The following DLC1 variants were observed in gnomAD, a reference collection of about 807,000 sequenced individuals.
DLC1 encodes the protein DLC1 Rho GTPase activating protein.
DLC1 carries 54 observed loss-of-function variants against 140.3 expected under a neutral mutation model. That is an observed-to-expected ratio of 0.38 (90% CI 0.31 to 0.48). DLC1 has a LOEUF of 0.48. Among genes scored for constraint, DLC1 ranks in the 20% least tolerant of loss-of-function variants. The probability of loss-of-function intolerance (pLI) is 0.96; values close to 1 mark genes in which losing one functional copy is unlikely to be tolerated. For missense variants in DLC1, 2,536 were observed against 1,907.0 expected, an observed-to-expected ratio of 1.33 and a Z score of -6.14; for synonymous variants, 986 against 728.1, an observed-to-expected ratio of 1.35 and a Z score of -5.70.
At position 13,247,805 on chromosome 8, in the gene DLC1, G is replaced by T. The variant is rs147097363; in HGVS notation, c.1348+57464C>A. Reference sequence around the variant, plus strand: ...TCATAGACTTGAGGCTCACCATCGTGCTACAAGAATTTCCTAACCAAACCA... The same window carrying T: ...TCATAGACTTGAGGCTCACCATCGTTCTACAAGAATTTCCTAACCAAACCA... On this transcript the variant is annotated intron_variant, in intron 5 of 17. Transcript: ENST00000276297. Among the ~76,000 whole-genome samples the T allele has an allele frequency of 3.3e-3, 505 of 152,276 alleles. 3 individuals are homozygous for T. The highest frequency in any genetic ancestry group is 0.012 in the African/African-American group (496 of 41,564).
rs546307598 is a variant in DLC1 at position 13,164,042 on chromosome 8, A to G, written c.1349-48385T>C. ...CCGGGCGTGGTGGCTCACACCTGCA[A>G]TCCCAGCGCTTTGGGAGGCCGAGGC... On this transcript the variant is annotated intron_variant, in intron 5 of 17. Transcript: ENST00000276297. Among the ~76,000 whole-genome samples, 25 of 152,198 alleles carry G rather than the reference A, an allele frequency of 1.6e-4. 1 individual carries two copies. In the East Asian group the frequency reaches 4.6e-3, roughly 28 times the overall value.
intron 5 of DLC1, among the ~76,000 whole-genome samples, chr8:13,121,288 C>G (rs761726416): frequency 4.6e-5 from 7 of 152,130 alleles, no homozygotes; most frequent in African/African-American, 1.7e-4. Context: ...GCATTCTCCT[C>G]CCCGTGGTGA....
At chr8:13,423,682 A>T (rs987687679) in intron 2 of DLC1, among the ~76,000 whole-genome samples, 1 of 152,204 alleles carries the variant, frequency 6.6e-6, no homozygotes, top group Non-Finnish European at 1.5e-5. Context: ...TGAATTTGAT[A>T]AAATTCTTAT....
intron 15 of DLC1, among the ~76,000 whole-genome samples, chr8:13,089,872 C>G (rs1423645228): frequency 6.6e-6 from 1 of 152,152 alleles, no homozygotes; most frequent in African/African-American, 2.4e-5. Context: ...GCCAAGAGAA[C>G]AGTAACTAAG....
At chr8:13,260,093 C>G (rs1157895380) in intron 5 of DLC1, among the ~76,000 whole-genome samples, 1 of 152,098 alleles carries the variant, frequency 6.6e-6, no homozygotes, top group African/African-American at 2.4e-5. Context: ...TTTAGCGGAA[C>G]AGCAAGGAGA....
chr8:13,483,132 C>T (rs540665039), intron 2 of DLC1, among the ~76,000 whole-genome samples: 3 of 152,090 alleles, frequency 2.0e-5, no homozygotes, highest in Non-Finnish European at 2.9e-5. Context: ...ATGGCTGCAT[C>T]GGTCCAATCT....
At chr8:13,482,741 T>A (rs1321758297) in intron 2 of DLC1, among the ~76,000 whole-genome samples, 1 of 152,186 alleles carries the variant, frequency 6.6e-6, no homozygotes, top group East Asian at 1.9e-4. Context: ...GATTAATGAT[T>A]ATTGTGACAT....
chr8:13,490,040 A>C (rs1171504313), intron 2 of DLC1, among the ~76,000 whole-genome samples: 1 of 64,624 alleles, frequency 1.5e-5, no homozygotes, highest in African/African-American at 5.6e-5. Context: ...AGGCTCACAA[A>C]GGTTAAATAC....
chr8:13,125,217 G>A (rs1300220815), intron 5 of DLC1, among the ~76,000 whole-genome samples: 1 of 152,072 alleles, frequency 6.6e-6, no homozygotes, highest in Non-Finnish European at 1.5e-5. Flanking sequence ...CCTCAAGTGA[G>A]CCATCCGCCT....
intron 2 of DLC1, among the ~76,000 whole-genome samples, chr8:13,466,281 A>G (rs530337926): frequency 6.6e-6 from 1 of 152,272 alleles, no homozygotes; most frequent in East Asian, 1.9e-4. Context: ...TCTGGACGCA[A>G]TACCCCCACT....
At chr8:13,243,846 T>C (rs901425094) in intron 5 of DLC1, among the ~76,000 whole-genome samples, 3 of 152,212 alleles carry the variant, frequency 2.0e-5, no homozygotes. Context: ...TCTCTTCCTA[T>C]TTGTTGATGA....
chr8:13,171,325 AAT>A (rs1479648007), intron 5 of DLC1, among the ~76,000 whole-genome samples: 1 of 152,158 alleles, frequency 6.6e-6, no homozygotes, highest in African/African-American at 2.4e-5. Flanking sequence ...AAAAAATTCT[AAT>A]AGACACAGAG....
chr8:13,387,113 G>GT (rs947136044), intron 4 of DLC1, among the ~76,000 whole-genome samples: 2 of 151,848 alleles, frequency 1.3e-5, no homozygotes, highest in South Asian at 2.1e-4. Context: ...CATGTATATC[G>GT]TTTTTTCCTT....
At chr8:13,121,563 T>C (rs1821072558) in intron 5 of DLC1, among the ~76,000 whole-genome samples, 1 of 152,110 alleles carries the variant, frequency 6.6e-6, no homozygotes, top group African/African-American at 2.4e-5. Context: ...TTCTTTTCTT[T>C]TTTGAGACAG....
intron 1 of DLC1, among the ~76,000 whole-genome samples, chr8:13,535,092 C>T (rs117709805): frequency 0.016 from 2,390 of 152,256 alleles, 36 homozygotes; most frequent in South Asian, 0.074. Context: ...AAAAATGAGG[C>T]AAAGTTCCTT....
At chr8:13,425,870 G>A (rs118107986) in intron 2 of DLC1, among the ~76,000 whole-genome samples, 3,925 of 152,234 alleles carry the variant, frequency 0.026, 77 homozygotes, top group South Asian at 0.072. Context: ...GACCTCCTGG[G>A]CTCAGGCTCA....
upstream of DLC1, among the ~76,000 whole-genome samples, chr8:13,519,114 T>C (rs542185827): frequency 2.6e-4 from 39 of 151,708 alleles, no homozygotes; most frequent in Admixed American, 5.9e-4. Flanking sequence ...TTACATTAGG[T>C]ATATCTCCTA....
At chr8:13,504,822 C>T (rs140139491) in intron 1 of DLC1, among the ~76,000 whole-genome samples, 202 of 151,828 alleles carry the variant, frequency 1.3e-3, no homozygotes, top group Middle Eastern at 0.01. Flanking sequence ...TAGCTAACCC[C>T]AAATTAAAAA....
intron 2 of DLC1, among the ~76,000 whole-genome samples, chr8:13,442,233 C>T (rs982464774): frequency 3.9e-5 from 6 of 152,138 alleles, no homozygotes; most frequent in African/African-American, 1.2e-4. Context: ...AAATGTTAGA[C>T]CTAAAACCCT....
Sources: allele counts gnomAD v4.1 joint callset (sites outside exome capture counted in the v4.1 genomes callset), GRCh38; gene constraint gnomAD v4.1.1; transcripts MANE v1.5; gene names NCBI Gene and HGNC (gene_info 2026-07-23, HGNC 2026-07-21).